The following DGKB variants were observed in gnomAD, a reference collection of about 807,000 sequenced individuals.
The protein encoded by DGKB is 90 kDa diacylglycerol kinase.
A neutral mutation model predicts 114.3 loss-of-function variants in DGKB; 67 were observed. The observed-to-expected ratio is 0.59, with a 90% confidence interval of 0.48 to 0.72. DGKB has a LOEUF of 0.72. DGKB is among the 30% of genes least tolerant of loss of function. The pLI, the probability that DGKB is intolerant of heterozygous loss-of-function variation, is 0.00. For missense variants in DGKB, 907 were observed against 975.2 expected, an observed-to-expected ratio of 0.93 and a Z score of 0.93; for synonymous variants, 398 against 323.1, an observed-to-expected ratio of 1.23 and a Z score of -2.49.
intron 6 of DGKB, among the ~76,000 whole-genome samples, chr7:14,702,086 A>G (rs17606181): frequency 0.38 from 57,278 of 152,016 alleles, 12,434 homozygotes; most frequent in Middle Eastern, 0.53. Flanking sequence ...GTGCATAAGG[A>G]AAAACAACAA....
chr7:14,784,138 G>C (rs1474298545), intron 2 of DGKB, among the ~76,000 whole-genome samples: 1 of 151,846 alleles, frequency 6.6e-6, no homozygotes, highest in Non-Finnish European at 1.5e-5. Context: ...ATTAGATTAT[G>C]ATATATATTG....
chr7:14,743,487 T>G (rs534716420), intron 4 of DGKB, among the ~76,000 whole-genome samples: 1 of 152,280 alleles, frequency 6.6e-6, no homozygotes, highest in Non-Finnish European at 1.5e-5. Flanking sequence ...CCAAATCAAA[T>G]TTCAGCTTCA....
chr7:14,452,339 C>G (rs1419653280), intron 21 of DGKB, among the ~76,000 whole-genome samples: 2 of 152,042 alleles, frequency 1.3e-5, no homozygotes, highest in African/African-American at 4.8e-5. Context: ...TATTAACAAC[C>G]TTATTCTCAT....
chr7:14,791,310 G>C (rs2128507466), intron 2 of DGKB, among the ~76,000 whole-genome samples: 2 of 152,284 alleles, frequency 1.3e-5, no homozygotes, highest in Middle Eastern at 6.8e-3. Context: ...GTAATTCTAA[G>C]AAGCTGTTTT....
chr7:14,610,476 A>G (rs193036340), intron 16 of DGKB, among the ~76,000 whole-genome samples: 5 of 152,204 alleles, frequency 3.3e-5, no homozygotes, highest in Admixed American at 6.6e-5. Flanking sequence ...AAACCTGCAC[A>G]TGTACCTCCT....
intron 23 of DGKB, among the ~76,000 whole-genome samples, chr7:14,212,909 G>T (rs11975923): frequency 0.042 from 6,375 of 151,902 alleles, 325 homozygotes; most frequent in African/African-American, 0.12. Context: ...TTTTAAAAAC[G>T]TAAACATTAT....
intron 21 of DGKB, among the ~76,000 whole-genome samples, chr7:14,408,445 T>G (rs1824311251): frequency 6.6e-6 from 1 of 152,098 alleles, no homozygotes; most frequent in African/African-American, 2.4e-5. Context: ...AGCAATCATT[T>G]TCACAGGGTA....
intron 21 of DGKB, among the ~76,000 whole-genome samples, chr7:14,465,340 A>T (rs1409873509): frequency 6.6e-6 from 1 of 152,188 alleles, no homozygotes; most frequent in Non-Finnish European, 1.5e-5. Flanking sequence ...AAAACATAAG[A>T]GTCTGCAGGT....
At chr7:14,761,191 A>G (rs1174512880) in intron 2 of DGKB, among the ~76,000 whole-genome samples, 4 of 152,120 alleles carry the variant, frequency 2.6e-5, no homozygotes, top group Non-Finnish European at 2.9e-5. Flanking sequence ...TCCTGTCTCA[A>G]TAACATTTCT....
At chr7:14,206,079 C>A (rs559907302) in intron 23 of DGKB, among the ~76,000 whole-genome samples, 3 of 151,882 alleles carry the variant, frequency 2.0e-5, no homozygotes, top group African/African-American at 7.3e-5. Context: ...AATGTAAATT[C>A]TCTTAAAACT....
At chr7:14,828,742 T>C (rs927173358) in intron 2 of DGKB, among the ~76,000 whole-genome samples, 2 of 152,138 alleles carry the variant, frequency 1.3e-5, no homozygotes, top group Non-Finnish European at 2.9e-5. Context: ...CATTAACAGA[T>C]GAAGACAAAT....
intron 23 of DGKB, among the ~76,000 whole-genome samples, chr7:14,334,664 C>T (rs1810366517): frequency 6.6e-6 from 1 of 151,692 alleles, no homozygotes; most frequent in South Asian, 2.1e-4. Context: ...TGAAAAATAA[C>T]ATTTTAGCTG....
intron 1 of DGKB, among the ~76,000 whole-genome samples, chr7:14,900,848 C>T (rs1222709661): frequency 1.3e-5 from 2 of 152,016 alleles, no homozygotes; most frequent in South Asian, 2.1e-4. Flanking sequence ...TGCTCTTAAC[C>T]TAATTTTCTT....
At chr7:14,713,633 T>C (rs894932688) in intron 6 of DGKB, among the ~76,000 whole-genome samples, 3 of 119,784 alleles carry the variant, frequency 2.5e-5, no homozygotes, top group African/African-American at 7.6e-5. Context: ...CCTCTCTTGG[T>C]CTTTTTTTTT....
chr7:14,877,115 G>A (rs1417064701), intron 1 of DGKB, among the ~76,000 whole-genome samples: 1 of 152,174 alleles, frequency 6.6e-6, no homozygotes, highest in East Asian at 1.9e-4. Flanking sequence ...ATGCTGAGAT[G>A]CTAGGGAAGT....
At chr7:14,655,756 G>A (rs1430858000) in intron 13 of DGKB, among the ~76,000 whole-genome samples, 1 of 151,428 alleles carries the variant, frequency 6.6e-6, no homozygotes, top group Non-Finnish European at 1.5e-5. Context: ...AACCTGAAGG[G>A]CATTATGTTA....
chr7:14,190,107 G>A (rs904083504), intron 23 of DGKB, among the ~76,000 whole-genome samples: 2 of 152,040 alleles, frequency 1.3e-5, no homozygotes, highest in African/African-American at 2.4e-5. Context: ...TATTCTTTTC[G>A]GTTGCACATG....
At chr7:14,894,816 C>T (rs1266562595) in intron 1 of DGKB, among the ~76,000 whole-genome samples, 1 of 151,574 alleles carries the variant, frequency 6.6e-6, no homozygotes, top group African/African-American at 2.4e-5. Context: ...GGATAGAGTA[C>T]ATTCAAAGCC....
chr7:14,173,689 C>G (rs1781334820), intron 25 of DGKB, among the ~76,000 whole-genome samples: 1 of 152,120 alleles, frequency 6.6e-6, no homozygotes, highest in South Asian at 2.1e-4. Flanking sequence ...CATAGTTAAC[C>G]ATACCAATGC....
Sources: allele counts gnomAD v4.1 joint callset (sites outside exome capture counted in the v4.1 genomes callset), GRCh38; gene constraint gnomAD v4.1.1; transcripts MANE v1.5; gene names NCBI Gene and HGNC (gene_info 2026-07-23, HGNC 2026-07-21).